PLSCR4: variants seen among roughly 807,000 people sequenced by gnomAD.
The protein encoded by PLSCR4 is phospholipid scramblase 4, also known as Ca(2+)-dependent phospholipid scramblase 4.
PLSCR4 carries 25 observed loss-of-function variants against 36.3 expected under a neutral mutation model. The ratio of observed to expected loss-of-function variants is 0.69; its 90% CI spans 0.50 to 0.96. The LOEUF (loss-of-function observed/expected upper bound fraction) is 0.96. Ranked by LOEUF, PLSCR4 falls within the 40% of genes least tolerant of loss-of-function variation. PLSCR4 has a pLI of 0.00. For synonymous variants in PLSCR4, 122 were observed against 132.9 expected, an observed-to-expected ratio of 0.92 and a Z score of 0.56; for missense variants, 408 against 414.7, an observed-to-expected ratio of 0.98 and a Z score of 0.14.
intron 1 of PLSCR4, among the ~76,000 whole-genome samples, chr3:146,248,547 A>AAC (rs2036434466): frequency 1.3e-5 from 2 of 151,594 alleles, no homozygotes; most frequent in Non-Finnish European, 1.5e-5. Context: ...TTTTAACTTT[A>AAC]TGTTTTGGAC....
chr3:146,240,579 G>A (rs1227205032), intron 1 of PLSCR4, among the ~76,000 whole-genome samples: 4 of 152,118 alleles, frequency 2.6e-5, no homozygotes, highest in East Asian at 1.9e-4. Flanking sequence ...TACTGGCCTG[G>A]GTGACAGAGC....
At chr3:146,203,114 G>C (rs1012890317) in intron 4 of PLSCR4, among the ~76,000 whole-genome samples, 1 of 151,964 alleles carries the variant, frequency 6.6e-6, no homozygotes, top group Non-Finnish European at 1.5e-5. Flanking sequence ...ATCTAGAATG[G>C]TGAATCCTTT....
intron 7 of PLSCR4, 58 bp downstream of exon 7, chr3:146,196,574 A>G: frequency 6.6e-7 from 1 of 1,523,132 alleles, no homozygotes. Context: ...AGATCTTTCC[A>G]TGGTCTGTTA....
Position 146,193,446 on chromosome 3 carries a change from A to AAAAAAC in PLSCR4, c.*959_*964dup, listed in dbSNP as rs376273428. On this transcript the variant is annotated 3_prime_UTR_variant, in exon 9 of 9. Transcript: ENST00000354952. The stretch of plus-strand genomic sequence containing the variant: ...TGGTGATCACGAAGGATCTTCTTGA[A>AAAAAAC]AAAAACAAAAACAAAAACAAAAAAC... The AAAAAAC allele has an allele frequency of 1.3e-5, 2 of 152,188 alleles. No individual in the cohort carries two copies. Among genetic ancestry groups the AAAAAAC allele is most frequent in the African/African-American group, 2.4e-5 (1 of 41,446 alleles). The allele number at this position is 152,188 out of a possible 1,614,324, so 9.4% of individuals were successfully genotyped here.
At chr3:146,240,627 A>G (rs758921809) in intron 1 of PLSCR4, among the ~76,000 whole-genome samples, 1 of 152,186 alleles carries the variant, frequency 6.6e-6, no homozygotes, top group African/African-American at 2.4e-5. Flanking sequence ...CAAAACTACA[A>G]TTAGATACTC....
intron 3 of PLSCR4, among the ~76,000 whole-genome samples, chr3:146,212,394 G>A (rs1047709016): frequency 7.0e-6 from 1 of 143,210 alleles, no homozygotes; most frequent in Non-Finnish European, 1.5e-5. Context: ...TGCTGAACTT[G>A]TTTATTGTGC....
intron 1 of PLSCR4, among the ~76,000 whole-genome samples, chr3:146,235,250 T>TG (rs1027316034): frequency 4.6e-5 from 7 of 152,194 alleles, no homozygotes; most frequent in African/African-American, 1.7e-4. Flanking sequence ...GACTGGGTGA[T>TG]GGGGGTGCTT....
intron 1 of PLSCR4, among the ~76,000 whole-genome samples, chr3:146,247,358 T>C (rs2036378658): frequency 6.6e-6 from 1 of 151,788 alleles, no homozygotes; most frequent in Admixed American, 6.6e-5. Context: ...CCTAATACAG[T>C]ATTTTATCAA....
chr3:146,236,809 A>G (rs1171837765), intron 1 of PLSCR4, among the ~76,000 whole-genome samples: 2 of 152,228 alleles, frequency 1.3e-5, no homozygotes, highest in African/African-American at 4.8e-5. Flanking sequence ...CTCTAAAAGA[A>G]ACTAACTTCA....
At chr3:146,228,290 G>GTA (rs1168381016) in intron 1 of PLSCR4, among the ~76,000 whole-genome samples, 6 of 152,286 alleles carry the variant, frequency 3.9e-5, no homozygotes, top group Non-Finnish European at 7.4e-5. Context: ...TTTAACAGCA[G>GTA]TATTTTTAAA....
intron 5 of PLSCR4, among the ~76,000 whole-genome samples, chr3:146,200,730 T>C (rs2034001711): frequency 6.6e-6 from 1 of 152,052 alleles, no homozygotes; most frequent in African/African-American, 2.4e-5. Context: ...GTCTCTTGGC[T>C]CCTTTTTTTA....
chr3:146,200,358 A>T (rs145502907), intron 5 of PLSCR4, among the ~76,000 whole-genome samples: 155 of 151,326 alleles, frequency 1.0e-3, no homozygotes, highest in African/African-American at 3.6e-3. Context: ...AAAACCATTT[A>T]AAAAAATTAT....
At chr3:146,195,779 C>T (rs574361386) in intron 7 of PLSCR4, among the ~76,000 whole-genome samples, 1 of 152,282 alleles carries the variant, frequency 6.6e-6, no homozygotes, top group African/African-American at 2.4e-5. Context: ...GGGAAAATAT[C>T]CAAATACTAA....
chr3:146,207,821 TCC>T (rs2034416534), intron 3 of PLSCR4, among the ~76,000 whole-genome samples: 1 of 152,084 alleles, frequency 6.6e-6, no homozygotes, highest in African/African-American at 2.4e-5. Context: ...AACCTAGATT[TCC>T]TTAAATGGAT....
In PLSCR4 at chr3:146,194,996, C is replaced by T. The variant is rs1055639356; in HGVS notation, c.945+128G>A. On this transcript the variant is annotated intron_variant, in intron 8 of 8. Transcript: ENST00000354952. ...TTTCAAGTGTAAACACTTTCTAAAC[C>T]ATGTAACTAGTAAGTGGCACAGAGA... 11 of 702,918 alleles carry T rather than the reference C, an allele frequency of 1.6e-5. No individual in the cohort carries two copies. The Admixed American group carries it at 2.5e-4, about 16-fold the overall frequency. 43.5% of individuals were successfully genotyped at this position (702,918 alleles called of 1,614,324 possible). A position where few individuals can be genotyped will look rare whatever the true frequency, so the allele number is the denominator to read the frequency against.
intron 1 of PLSCR4, among the ~76,000 whole-genome samples, chr3:146,236,083 C>G (rs1362593718): frequency 6.6e-6 from 1 of 151,986 alleles, no homozygotes; most frequent in Non-Finnish European, 1.5e-5. Context: ...TGCAGCCCAG[C>G]CATGTGGTAG....
At chr3:146,229,191 T>C (rs981474423) in intron 1 of PLSCR4, among the ~76,000 whole-genome samples, 2 of 152,184 alleles carry the variant, frequency 1.3e-5, no homozygotes, top group African/African-American at 2.4e-5. Context: ...ATAGCAGTGT[T>C]TCTGTTTTCC....
chr3:146,196,015 G>A (rs771242583), intron 7 of PLSCR4, among the ~76,000 whole-genome samples: 3 of 152,192 alleles, frequency 2.0e-5, no homozygotes, highest in Non-Finnish European at 2.9e-5. Flanking sequence ...TCTTTAAGAA[G>A]CCTAGGAAAT....
chr3:146,249,462 T>C (rs2036465916), intron 1 of PLSCR4, among the ~76,000 whole-genome samples: 1 of 152,090 alleles, frequency 6.6e-6, no homozygotes, highest in Non-Finnish European at 1.5e-5. Flanking sequence ...AGCTTTCCTT[T>C]TATTCTTCCA....
Sources: allele counts gnomAD v4.1 joint callset (sites outside exome capture counted in the v4.1 genomes callset), GRCh38; gene constraint gnomAD v4.1.1; transcripts MANE v1.5; gene names NCBI Gene and HGNC (gene_info 2026-07-23, HGNC 2026-07-21).